Variants in OMG observed in about 807,000 individuals in gnomAD.
OMG encodes the protein oligodendrocyte myelin glycoprotein.
In OMG, 9 loss-of-function variants were observed where a neutral mutation model predicts 26.2. The observed-to-expected ratio is 0.34, with a 90% CI of 0.21 to 0.60. OMG has a LOEUF of 0.60. Among genes scored for constraint, OMG ranks in the 20% least tolerant of loss-of-function variants. The probability of loss-of-function intolerance (pLI) is 0.80; values close to 1 mark genes in which losing one functional copy is unlikely to be tolerated. For synonymous variants in OMG, 179 were observed against 190.4 expected, an observed-to-expected ratio of 0.94 and a Z score of 0.49; for missense variants, 402 against 513.6, an observed-to-expected ratio of 0.78 and a Z score of 2.10.
In OMG at chr17:31,294,870, T is replaced by G; in HGVS notation, c.*139A>C. 5 of 1,117,382 alleles carry G rather than the reference T, an allele frequency of 4.5e-6. No individual in the cohort carries two copies. Among genetic ancestry groups the G allele is most frequent in the South Asian group, 2.6e-5 (2 of 76,754 alleles). 69.2% of individuals were successfully genotyped at this position (1,117,382 alleles called of 1,614,324 possible). Reference sequence around the variant, plus strand: ...TTTTATTTAAGACAAGTTACTTCATTTACATCAGAGTTAGAAATGTTAAGA... The same window carrying G: ...TTTTATTTAAGACAAGTTACTTCATGTACATCAGAGTTAGAAATGTTAAGA... On this transcript the variant is annotated 3_prime_UTR_variant, in exon 2 of 2. Coordinates refer to ENST00000247271, the MANE Select transcript of OMG (RefSeq NM_002544.5).
Position 31,295,252 on chromosome 17 carries a change from T to C in OMG, c.1080A>G (p.Gly360=), listed in dbSNP as rs776637800. 2 of 1,614,090 alleles carry C rather than the reference T, an allele frequency of 1.2e-6. No homozygotes were observed. The highest frequency in any genetic ancestry group is 1.3e-5 in the African/African-American group (1 of 75,022). ...AATLTIHLQD[G]MVTNTSLTSS... ...TAGTGAGGCTTGTGTTTGTGACCAT[T>C]CCATCTTGGAGATGAATAGTTAGAG... Residue 360 remains glycine, a synonymous_variant, in exon 2 of 2, where the codon GGA becomes GGG. Coordinates refer to ENST00000247271, the MANE Select transcript of OMG (RefSeq NM_002544.5).
chr17:31,296,289 G>GGAT lies in OMG; in HGVS notation c.40_42dup (p.Ile14dup). On this transcript the variant is annotated inframe_insertion, in exon 2 of 2. Coordinates refer to ENST00000247271, the MANE Select transcript of OMG (RefSeq NM_002544.5). ...AAAATACCAGGTGTGAGAAACAGAA[G>GGAT]GATGAACAGGCAGAGAGACATTTTC... The GGAT allele has an allele frequency of 6.2e-7, 1 of 1,613,970 alleles. No individual in the cohort carries two copies. Among genetic ancestry groups the GGAT allele is most frequent in the Non-Finnish European group, 8.5e-7 (1 of 1,179,852 alleles).
Position 31,295,494 on chromosome 17 carries a change from C to G in OMG, c.838G>C (p.Val280Leu). Residue 280 changes from valine (V) to leucine (L), a missense_variant, in exon 2 of 2, where the codon GTA becomes CTA. Val to Leu is a conservative substitution (Grantham distance 32). Around this residue, in one of 3 missense-constraint regions of OMG, gnomAD observed 247 missense variants for 274.7 expected, o/e 0.90. Transcript: ENST00000247271. ...PSGFTSSLFT[V>L]SGMQTVDTIN... ...GTGTCCACTGTCTGCATCCCACTTA[C>G]AGTGAATAAGCTTGAGGTAAATCCA... 6.2e-7 allele frequency: 1 copy of G among 1,614,166 alleles called. No homozygotes were observed. Among genetic ancestry groups the G allele is most frequent in the Non-Finnish European group, 8.5e-7 (1 of 1,180,018 alleles).
At position 31,294,958 on chromosome 17, in the gene OMG, A is replaced by C. The variant is rs1382198146; in HGVS notation, c.*51T>G. 1.2e-6 allele frequency: 2 copies of C among 1,612,726 alleles called. No individual in the cohort carries two copies. Among genetic ancestry groups the C allele is most frequent in the Non-Finnish European group, 1.7e-6 (2 of 1,178,974 alleles). ...TGGTTAGATATGGACATATTTTCCC[A>C]ACTGTACATCAGGGAGGAGTGCTTT... On this transcript the variant is annotated 3_prime_UTR_variant, in exon 2 of 2. Coordinates refer to ENST00000247271, the MANE Select transcript of OMG (RefSeq NM_002544.5).
At chr17:31,296,363 T>C (rs538629924) in intron 1 of OMG, 26 bp from the exon 2 acceptor site, 1 of 1,613,260 alleles carries the variant, frequency 6.2e-7, no homozygotes, top group South Asian at 1.1e-5. Context: ...TACACCCTTC[T>C]TTTAATATGC....
chr17:31,296,651 A>C (rs2068472674), intron 1 of OMG: 1 of 317,432 alleles, frequency 3.2e-6, no homozygotes, highest in Admixed American at 4.4e-5. Flanking sequence ...TAATATGATA[A>C]AATAGCATTC....
Position 31,296,156 on chromosome 17 carries a change from T to A in OMG, c.176A>T (p.His59Leu), listed in dbSNP as rs1219432712. 1 of 1,611,832 alleles carries A rather than the reference T, an allele frequency of 6.2e-7. No homozygotes were observed. The highest frequency in any genetic ancestry group is 8.5e-7 in the Non-Finnish European group (1 of 1,178,436). Residue 59 changes from histidine to leucine, a missense_variant, in exon 2 of 2, where the codon CAT (histidine) becomes CTT (leucine). His to Leu is a moderately conservative substitution (Grantham distance 99). This residue lies in a region of OMG where 65 missense variants were observed against 80.0 expected (regional missense o/e 0.81). Transcript: ENST00000247271. The stretch of plus-strand genomic sequence containing the variant: ...AAAGTGGTTATAAGACAGGTTTAAA[T>A]GTATAATATTCTCTTGCAGTCCAGA... ...LPSGLQENII[H>L]LNLSYNHFTD...
Position 31,295,007 on chromosome 17 carries a change from C to T in OMG, c.*2G>A. Reference sequence around the variant, plus strand: ...TTCATTAGTTTCAGAAAATGCAGACCCTCAGACAGCCAGCATGACCACAAC... The same window carrying T: ...TTCATTAGTTTCAGAAAATGCAGACTCTCAGACAGCCAGCATGACCACAAC... On this transcript the variant is annotated 3_prime_UTR_variant, in exon 2 of 2. Transcript: ENST00000247271. The T allele has an allele frequency of 1.2e-6, 2 of 1,613,988 alleles. No individual in the cohort carries two copies. The highest frequency in any genetic ancestry group is 8.5e-7 in the Non-Finnish European group (1 of 1,179,924).
chr17:31,296,259 T>C lies in OMG; in HGVS notation c.73A>G (p.Ile25Val). Reference sequence around the variant, plus strand: ...GTGCATATACATTGGAGAGGACAAATGCATAAAATACCAGGTGTGAGAAAC... The same window carrying C: ...GTGCATATACATTGGAGAGGACAAACGCATAAAATACCAGGTGTGAGAAAC... ...LLFLTPGILC[I>V]CPLQCICTER... Residue 25 changes from isoleucine (I) to valine (V), a missense_variant, in exon 2 of 2, where the codon ATT becomes GTT. By Grantham distance (29) the Ile-to-Val change is conservative (BLOSUM62 3). Coordinates refer to ENST00000247271, the MANE Select transcript of OMG (RefSeq NM_002544.5). The C allele has an allele frequency of 1.2e-6, 2 of 1,614,096 alleles. No homozygotes were observed. The highest frequency in any genetic ancestry group is 1.6e-4 in the Middle Eastern group (1 of 6,062).
In OMG at chr17:31,296,007, T is replaced by C; in HGVS notation, c.325A>G (p.Asn109Asp). Residue 109 changes from asparagine to aspartate, a missense_variant, in exon 2 of 2, where the codon AAC (asparagine) becomes GAC (aspartate). Asn to Asp is a conservative substitution (Grantham distance 23). This residue lies in a region of OMG where 90 missense variants were observed against 158.9 expected (regional missense o/e 0.57). Transcript: ENST00000247271. Reference sequence around the variant, plus strand: ...GATTTGTCAAGAAGTTTAATGTTGTTGTTAGCAGCAGACATGTTCCACAGA... The same window carrying C: ...GATTTGTCAAGAAGTTTAATGTTGTCGTTAGCAGCAGACATGTTCCACAGA... ...RSLWNMSAAN[N>D]NIKLLDKSDT... 1 of 1,614,154 alleles carries C rather than the reference T, an allele frequency of 6.2e-7. No homozygotes were observed.
chr17:31,296,273 G>A lies in OMG; in HGVS notation c.59C>T (p.Pro20Leu). 1 of 1,613,996 alleles carries A rather than the reference G, an allele frequency of 6.2e-7. No homozygotes were observed. The highest frequency in any genetic ancestry group is 8.5e-7 in the Non-Finnish European group (1 of 1,179,870). The change falls in exon 2 of 2, where the codon CCT (proline) becomes CTT (leucine). Residue 20 changes from proline (P) to leucine (L), a missense_variant. This residue lies in a region of OMG where 65 missense variants were observed against 80.0 expected (regional missense o/e 0.81). Transcript: ENST00000247271. ...LCLFILLFLT[P>L]GILCICPLQC... Reference sequence around the variant, plus strand: ...GAGAGGACAAATGCATAAAATACCAGGTGTGAGAAACAGAAGGATGAACAG... The same window carrying A: ...GAGAGGACAAATGCATAAAATACCAAGTGTGAGAAACAGAAGGATGAACAG...
At chr17:31,296,434 C>T (rs965506569) in intron 1 of OMG, 97 bp from the exon 2 acceptor site, 33 of 1,118,708 alleles carry the variant, frequency 2.9e-5, no homozygotes, top group Non-Finnish European at 4.0e-5. Context: ...CAATAAACCT[C>T]GTTGTTGTCG....
Position 31,296,001 on chromosome 17 carries a change from T to A in OMG, c.331A>T (p.Ile111Phe). 2 of 1,614,154 alleles carry A rather than the reference T, an allele frequency of 1.2e-6. No homozygotes were observed. Among genetic ancestry groups the A allele is most frequent in the Non-Finnish European group, 1.7e-6 (2 of 1,180,010 alleles). The change falls in exon 2 of 2, where the codon ATT becomes TTT. Residue 111 changes from isoleucine (I) to phenylalanine (F), a missense_variant. This residue lies in a region of OMG where 90 missense variants were observed against 158.9 expected (regional missense o/e 0.57). Transcript: ENST00000247271. ...LWNMSAANNNIKLLDKSDTAY... is the reference protein window; with the variant it reads ...LWNMSAANNNFKLLDKSDTAY... The stretch of plus-strand genomic sequence containing the variant: ...GTATCAGATTTGTCAAGAAGTTTAA[T>A]GTTGTTGTTAGCAGCAGACATGTTC...
rs2068430109 is a variant in OMG at position 31,294,973 on chromosome 17, AG to A, written c.*35del. 6.2e-7 allele frequency: 1 copy of A among 1,613,788 alleles called. No individual in the cohort carries two copies. On this transcript the variant is annotated 3_prime_UTR_variant, in exon 2 of 2. Coordinates refer to ENST00000247271, the MANE Select transcript of OMG (RefSeq NM_002544.5). The stretch of plus-strand genomic sequence containing the variant: ...ATATTTTCCCAACTGTACATCAGGG[AG>A]GAGTGCTTTCATTAGTTTCAGAAAA...
chr17:31,295,338 C>A lies in OMG; in HGVS notation c.994G>T (p.Val332Leu), dbSNP rs1157644517. ...TTFTSTDKAFVPYPEDTSTET... is the reference protein window; with the variant it reads ...TTFTSTDKAFLPYPEDTSTET... ...GTGGATGTATCTTCTGGATAGGGCA[C>A]AAAAGCCTTATCAGTGCTAGTAAAG... Residue 332 changes from valine to leucine, a missense_variant, in exon 2 of 2, where the codon GTG (valine) becomes TTG (leucine). Physicochemically the swap from Val to Leu is conservative, Grantham distance 32. Coordinates refer to ENST00000247271, the MANE Select transcript of OMG (RefSeq NM_002544.5). 3 of 1,614,054 alleles carry A rather than the reference C, an allele frequency of 1.9e-6. No individual in the cohort carries two copies. The highest frequency in any genetic ancestry group is 2.5e-6 in the Non-Finnish European group (3 of 1,180,000).
chr17:31,296,624 TTATC>T (rs1182244906), intron 1 of OMG: 5 of 393,290 alleles, frequency 1.3e-5, no homozygotes, highest in Non-Finnish European at 2.4e-5. Flanking sequence ...TCTTTCTTAT[TTATC>T]TTTCTAGAGC....
At chr17:31,296,373 C>A (rs1285039481) in intron 1 of OMG, 36 bp from the exon 2 acceptor site, 1 of 1,612,160 alleles carries the variant, frequency 6.2e-7, no homozygotes, top group Non-Finnish European at 8.5e-7. Flanking sequence ...TTTTAATATG[C>A]AAATACAGTT....
In OMG at chr17:31,295,752, T is replaced by A. The variant is rs201967527; in HGVS notation, c.580A>T (p.Thr194Ser). ...PGTLINLTNL[T>S]HLYLHNNKFT... ...TTATTGTTGTGCAGGTAAAGATGTGTGAGATTTGTCAGGTTTATTAATGTA... is the reference window on the plus strand; with the variant it reads ...TTATTGTTGTGCAGGTAAAGATGTGAGAGATTTGTCAGGTTTATTAATGTA... The change falls in exon 2 of 2, where the codon ACA (threonine) becomes TCA (serine). Residue 194 changes from threonine to serine, a missense_variant. Physicochemically the swap from Thr to Ser is moderately conservative, Grantham distance 58 (BLOSUM62 1). This residue lies in a region of OMG where 90 missense variants were observed against 158.9 expected (regional missense o/e 0.57). Transcript: ENST00000247271. The A allele has an allele frequency of 1.2e-6, 2 of 1,613,936 alleles. No homozygotes were observed. Among genetic ancestry groups the A allele is most frequent in the East Asian group, 2.2e-5 (1 of 44,882 alleles).
At position 31,295,892 on chromosome 17, in the gene OMG, C is replaced by T. The variant is rs763060514; in HGVS notation, c.440G>A (p.Ser147Asn). 1 of 1,614,106 alleles carries T rather than the reference C, an allele frequency of 6.2e-7. No homozygotes were observed. The stretch of plus-strand genomic sequence containing the variant: ...ACTACTGAGGTTGAGAACCTCGAGA[C>T]TTCTTAGTGTATTTTTAATGAGGAC... The part of the protein sequence containing the change: ...KVVLIKNTLR[S>N]LEVLNLSSNK... The change falls in exon 2 of 2, where the codon AGT becomes AAT. Residue 147 changes from serine to asparagine, a missense_variant. By Grantham distance (46) the Ser-to-Asn change is conservative (BLOSUM62 1). Around this residue, in one of 3 missense-constraint regions of OMG, gnomAD observed 90 missense variants for 158.9 expected, o/e 0.57. Transcript: ENST00000247271.
Sources: gnomAD v4.1 joint callset for allele counts on GRCh38, gnomAD v4.1.1 for gene constraint, gnomAD v4.1.1 regional missense constraint, MANE v1.5 for transcripts, NCBI Gene and HGNC (gene_info 2026-07-23, HGNC 2026-07-21) for gene names.